The following HS6ST3 variants were observed in gnomAD, a reference collection of about 807,000 sequenced individuals.
HS6ST3 encodes the protein heparan sulfate 6-O-sulfotransferase 3, also known as heparan-sulfate 6-O-sulfotransferase 3.
HS6ST3 carries 12 observed loss-of-function variants against 36.7 expected under a neutral mutation model. The observed-to-expected ratio is 0.33, with a 90% CI of 0.21 to 0.53. The LOEUF (loss-of-function observed/expected upper bound fraction) is 0.53. Among genes scored for constraint, HS6ST3 ranks in the 20% least tolerant of loss-of-function variants. The pLI, the probability that HS6ST3 is intolerant of heterozygous loss-of-function variation, is 0.95. For missense variants in HS6ST3, 584 were observed against 640.9 expected (o/e 0.91, Z 0.96); for synonymous variants, 240 against 257.5 (o/e 0.93, Z 0.65).
At chr13:96,495,278 A>G (rs2055969346) in intron 1 of HS6ST3, among the ~76,000 whole-genome samples, 1 of 152,150 alleles carries the variant, frequency 6.6e-6, no homozygotes, top group Non-Finnish European at 1.5e-5. Context: ...TATCATGAGG[A>G]TTTTTATTTC....
intron 1 of HS6ST3, among the ~76,000 whole-genome samples, chr13:96,602,268 A>G (rs2056424442): frequency 6.6e-6 from 1 of 152,140 alleles, no homozygotes; most frequent in Non-Finnish European, 1.5e-5. Context: ...CAGGCAGTAT[A>G]TCCATCTCTA....
intron 1 of HS6ST3, among the ~76,000 whole-genome samples, chr13:96,291,646 ACT>A (rs2054830415): frequency 6.6e-6 from 1 of 152,084 alleles, no homozygotes; most frequent in Non-Finnish European, 1.5e-5. Flanking sequence ...AGAAGATAAA[ACT>A]CTTTTCGTTT....
intron 1 of HS6ST3, among the ~76,000 whole-genome samples, chr13:96,738,339 G>C (rs1196165972): frequency 6.6e-6 from 1 of 151,808 alleles, no homozygotes; most frequent in African/African-American, 2.4e-5. Flanking sequence ...GTATGTACAA[G>C]GTTATTGACT....
In HS6ST3 at chr13:96,501,340, A is replaced by G. The variant is rs143013219; in HGVS notation, c.708-331150A>G. ...TGTACTGAGTGCCCACTACTGTAATATACTTTTTCATGTTCAACTTCATTA... is the reference window on the plus strand; with the variant it reads ...TGTACTGAGTGCCCACTACTGTAATGTACTTTTTCATGTTCAACTTCATTA... On this transcript the variant is annotated intron_variant, in intron 1 of 1. Coordinates refer to ENST00000376705, the MANE Select transcript of HS6ST3 (RefSeq NM_153456.4). Among the ~76,000 whole-genome samples the G allele has an allele frequency of 1.4e-4, 21 of 152,308 alleles. No individual in the cohort carries two copies. The East Asian group carries it at 3.9e-3, about 28-fold the overall frequency.
chr13:96,824,464 TC>T (rs1021901186), intron 1 of HS6ST3, among the ~76,000 whole-genome samples: 8 of 152,214 alleles, frequency 5.3e-5, no homozygotes, highest in Non-Finnish European at 1.0e-4. Context: ...TAATTTGTTC[TC>T]AAGACTTGAA....
chr13:96,558,466 C>T (rs899066977), intron 1 of HS6ST3, among the ~76,000 whole-genome samples: 1 of 152,176 alleles, frequency 6.6e-6, no homozygotes, highest in African/African-American at 2.4e-5. Flanking sequence ...GTTATCACTG[C>T]TGGCTGCCTG....
At chr13:96,286,920 G>GC (rs2054806424) in intron 1 of HS6ST3, among the ~76,000 whole-genome samples, 1 of 152,072 alleles carries the variant, frequency 6.6e-6, no homozygotes, top group South Asian at 2.1e-4. Flanking sequence ...ATGTGTGTGT[G>GC]CCTGAGTGTG....
chr13:96,730,747 T>C (rs186837444), intron 1 of HS6ST3, among the ~76,000 whole-genome samples: 182 of 151,966 alleles, frequency 1.2e-3, no homozygotes, highest in African/African-American at 4.1e-3. Context: ...TTTTAAATTT[T>C]TGTAGAGATG....
intron 1 of HS6ST3, among the ~76,000 whole-genome samples, chr13:96,301,368 G>C (rs1027506037): frequency 6.6e-6 from 1 of 152,128 alleles, no homozygotes; most frequent in Non-Finnish European, 1.5e-5. Context: ...AGATGAACTA[G>C]GAACATTCTT....
At chr13:96,488,350 C>G (rs2055926767) in intron 1 of HS6ST3, among the ~76,000 whole-genome samples, 1 of 152,092 alleles carries the variant, frequency 6.6e-6, no homozygotes, top group Non-Finnish European at 1.5e-5. Context: ...ACCGGTACCT[C>G]TTAGGTTGCC....
rs534198473 is a variant in HS6ST3, at chr13:96,645,793, A to C, written c.708-186697A>C. Among the ~76,000 whole-genome samples the C allele has an allele frequency of 6.4e-4, 98 of 151,992 alleles. 3 individuals are homozygous for C. In the South Asian group the frequency reaches 0.02, roughly 30 times the overall value. On this transcript the variant is annotated intron_variant, in intron 1 of 1. Coordinates refer to ENST00000376705, the MANE Select transcript of HS6ST3 (RefSeq NM_153456.4). ...CAAGAGAATTTGAACTCTGTTTATC[A>C]GCTTAAAGGGGAGGAAATGCCATGG... is the stretch of plus-strand genomic sequence containing the variant.
chr13:96,465,204 T>C (rs2055806232), intron 1 of HS6ST3, among the ~76,000 whole-genome samples: 1 of 152,164 alleles, frequency 6.6e-6, no homozygotes, highest in Admixed American at 6.6e-5. Flanking sequence ...TTAATACACT[T>C]AAGTCTGCAC....
intron 1 of HS6ST3, among the ~76,000 whole-genome samples, chr13:96,670,014 A>G (rs779436794): frequency 6.6e-6 from 1 of 152,166 alleles, no homozygotes; most frequent in Non-Finnish European, 1.5e-5. Context: ...ATTGGATGAG[A>G]TGACCTAAGG....
intron 1 of HS6ST3, among the ~76,000 whole-genome samples, chr13:96,269,145 T>A (rs1299388208): frequency 6.6e-6 from 1 of 151,978 alleles, no homozygotes; most frequent in Non-Finnish European, 1.5e-5. Context: ...TTGTTAAACA[T>A]GCCCCCAAAT....
rs145959372 is a variant in HS6ST3 at position 96,679,338 on chromosome 13, T to G, written c.708-153152T>G. Among the ~76,000 whole-genome samples, 818 of 151,874 alleles carry G rather than the reference T, an allele frequency of 5.4e-3. 2 individuals carry two copies. Among genetic ancestry groups the G allele is most frequent in the Admixed American group, 0.012 (185 of 15,232 alleles). ...ACAATATGAGACTTGAGCATCTCCTTTAAAATCTCCGAGCAGGCTTGTTTA... is the reference window on the plus strand; with the variant it reads ...ACAATATGAGACTTGAGCATCTCCTGTAAAATCTCCGAGCAGGCTTGTTTA... On this transcript the variant is annotated intron_variant, in intron 1 of 1. Transcript: ENST00000376705.
rs191247556 is a variant in HS6ST3 at position 96,690,809 on chromosome 13, T to C, written c.708-141681T>C. Among the ~76,000 whole-genome samples the C allele has an allele frequency of 1.1e-4, 13 of 121,642 alleles. No individual in the cohort carries two copies. In the East Asian group the frequency reaches 3.2e-3, roughly 30 times the overall value. 79.8% of individuals were successfully genotyped at this position (121,642 alleles called of 152,430 possible). The stretch of plus-strand genomic sequence containing the variant: ...GTGAAATGAACACATGTAGTAGATA[T>C]AAGGAAATAATCTGAATATGACTTA... On this transcript the variant is annotated intron_variant, in intron 1 of 1. Transcript: ENST00000376705.
intron 1 of HS6ST3, among the ~76,000 whole-genome samples, chr13:96,271,107 T>C (rs1317080779): frequency 1.3e-5 from 2 of 151,810 alleles, no homozygotes; most frequent in Non-Finnish European, 2.9e-5. Flanking sequence ...GGAAGAAAAG[T>C]GCCCTGGTGT....
At chr13:96,237,754 G>A (rs565756455) in intron 1 of HS6ST3, among the ~76,000 whole-genome samples, 1 of 152,282 alleles carries the variant, frequency 6.6e-6, no homozygotes, top group African/African-American at 2.4e-5. Context: ...ACACATCTTT[G>A]TCCTTATTGG....
chr13:96,755,506 A>G (rs1876805541), intron 1 of HS6ST3, among the ~76,000 whole-genome samples: 1 of 152,092 alleles, frequency 6.6e-6, no homozygotes, highest in South Asian at 2.1e-4. Context: ...CTGAGATTAC[A>G]GGTGCCAGCC....
Sources: allele counts gnomAD v4.1 joint callset (sites outside exome capture counted in the v4.1 genomes callset), GRCh38; gene constraint gnomAD v4.1.1; transcripts MANE v1.5; gene names NCBI Gene and HGNC (gene_info 2026-07-23, HGNC 2026-07-21).